SLC24A2: variants seen among roughly 807,000 people sequenced by gnomAD.
The protein encoded by SLC24A2 is solute carrier family 24 member 2.
In SLC24A2, 36 loss-of-function variants were observed where a neutral mutation model predicts 62.0. That is an observed-to-expected ratio of 0.58 (90% CI 0.44 to 0.77). SLC24A2 has a LOEUF of 0.77. Ranked by LOEUF, SLC24A2 falls within the 30% of genes least tolerant of loss-of-function variation. The probability of loss-of-function intolerance (pLI) is 0.00; values close to 1 mark genes in which losing one functional copy is unlikely to be tolerated. For synonymous variants in SLC24A2, 358 were observed against 294.0 expected (o/e 1.22, Z -2.23); for missense variants, 846 against 817.9 (o/e 1.03, Z -0.42).
the SLC24A2 span, among the ~76,000 whole-genome samples, chr9:20,303,498 T>A: frequency 2.0e-5 from 3 of 152,278 alleles, no homozygotes; most frequent in African/African-American, 7.2e-5. Context: ...AATGAAGTAA[T>A]CTAGTTCCCA....
intron 5 of SLC24A2, among the ~76,000 whole-genome samples, chr9:19,592,007 C>A (rs1364820299): frequency 2.0e-5 from 3 of 152,178 alleles, no homozygotes; most frequent in Admixed American, 2.0e-4. Flanking sequence ...CAATGAAAAA[C>A]ATTGCTGAAT....
intron 2 of SLC24A2, among the ~76,000 whole-genome samples, chr9:19,779,777 T>A (rs1433068952): frequency 1.3e-5 from 2 of 152,196 alleles, no homozygotes; most frequent in Non-Finnish European, 2.9e-5. Context: ...AACATCAAGG[T>A]AGGCGGGCGC....
intron 10 of SLC24A2, among the ~76,000 whole-genome samples, chr9:19,519,349 TTG>T (rs10640008): frequency 2.2e-3 from 323 of 147,596 alleles, no homozygotes; most frequent in South Asian, 6.8e-3. Flanking sequence ...TTAAACTTCC[TTG>T]TGTGTGTGTG....
At chr9:20,189,081 T>C in the SLC24A2 span, among the ~76,000 whole-genome samples, 4 of 104,792 alleles carry the variant, frequency 3.8e-5, no homozygotes, top group Non-Finnish European at 3.5e-5. Flanking sequence ...TTTTTCTTTT[T>C]TTTTTTTTTT....
chr9:20,138,638 T>C, the SLC24A2 span, among the ~76,000 whole-genome samples: 1 of 152,238 alleles, frequency 6.6e-6, no homozygotes, highest in Admixed American at 6.5e-5. Flanking sequence ...ATTCCTCCTC[T>C]ATCCCAGGAT....
the SLC24A2 span, among the ~76,000 whole-genome samples, chr9:20,232,808 G>T: frequency 1.3e-5 from 2 of 151,914 alleles, no homozygotes; most frequent in Non-Finnish European, 1.5e-5. Flanking sequence ...GTTCTTTTAA[G>T]TGTGATGTTA....
chr9:20,101,930 G>C, the SLC24A2 span, among the ~76,000 whole-genome samples: 1 of 152,090 alleles, frequency 6.6e-6, no homozygotes, highest in African/African-American at 2.4e-5. Context: ...GGACAAACAC[G>C]TCTGAGCTTA....
chr9:20,080,017 G>A, the SLC24A2 span, among the ~76,000 whole-genome samples: 2 of 152,140 alleles, frequency 1.3e-5, no homozygotes, highest in African/African-American at 4.8e-5. Flanking sequence ...CTCATGGGTA[G>A]GAAGAATCAA....
the SLC24A2 span, among the ~76,000 whole-genome samples, chr9:19,958,518 G>A: frequency 6.6e-6 from 1 of 152,186 alleles, no homozygotes; most frequent in Non-Finnish European, 1.5e-5. Context: ...ACTCCAGGCA[G>A]GTCTGAACCT....
At chr9:19,641,939 G>T (rs966775063) in intron 2 of SLC24A2, among the ~76,000 whole-genome samples, 3 of 151,804 alleles carry the variant, frequency 2.0e-5, no homozygotes, top group African/African-American at 7.3e-5. Context: ...GCCAAAATGT[G>T]CCTTCATTTT....
chr9:20,149,013 A>G, the SLC24A2 span, among the ~76,000 whole-genome samples: 1 of 152,086 alleles, frequency 6.6e-6, no homozygotes, highest in Non-Finnish European at 1.5e-5. Flanking sequence ...TGGAGAGCCA[A>G]TCTTTCCTTC....
chr9:19,608,136 T>C (rs1352010948), intron 4 of SLC24A2, among the ~76,000 whole-genome samples: 1 of 152,196 alleles, frequency 6.6e-6, no homozygotes, highest in Non-Finnish European at 1.5e-5. Context: ...CATTTGCCTA[T>C]TCATTTACCA....
the SLC24A2 span, among the ~76,000 whole-genome samples, chr9:19,824,334 AC>A: frequency 5.3e-5 from 8 of 152,322 alleles, no homozygotes; most frequent in South Asian, 1.0e-3. Context: ...CAAGAAAAAA[AC>A]AACCCCATCA....
rs1165991139 is a variant in SLC24A2, at chr9:19,706,566, G to C, written c.930+79371C>G. Among the ~76,000 whole-genome samples the C allele has an allele frequency of 4.6e-5, 7 of 152,074 alleles. No individual in the cohort carries two copies. In the East Asian group the frequency reaches 1.4e-3, roughly 29 times the overall value. ...GGCTAATTTTTGTATTTTTAGTAGA[G>C]ACGGGGTTTCACCGTGTTAGCCAGG... On this transcript the variant is annotated intron_variant, in intron 2 of 10. Coordinates refer to ENST00000341998, the MANE Select transcript of SLC24A2 (RefSeq NM_020344.4).
intron 2 of SLC24A2, among the ~76,000 whole-genome samples, chr9:19,784,394 A>G (rs1823099758): frequency 6.6e-6 from 1 of 152,228 alleles, no homozygotes; most frequent in Non-Finnish European, 1.5e-5. Flanking sequence ...TAAGTTAATG[A>G]AGTTCCACTA....
the SLC24A2 span, among the ~76,000 whole-genome samples, chr9:19,872,662 G>A: frequency 6.6e-6 from 1 of 152,108 alleles, no homozygotes. Context: ...TAGACATTTG[G>A]GCGGTAGGGC....
chr9:19,603,748 T>C (rs1338079634), intron 4 of SLC24A2, among the ~76,000 whole-genome samples: 1 of 152,212 alleles, frequency 6.6e-6, no homozygotes, highest in Non-Finnish European at 1.5e-5. Context: ...CTCATCATTA[T>C]CAAGGTAATC....
In SLC24A2 at chr9:19,788,964, C is replaced by T. The variant is rs1055747650; in HGVS notation, c.-233G>A. The T allele has an allele frequency of 1.8e-4, 175 of 984,994 alleles. No homozygotes were observed. The highest frequency in any genetic ancestry group is 2.1e-4 in the Non-Finnish European group (171 of 829,534). The allele number at this position is 984,994 out of a possible 1,614,324, so 61.0% of individuals were successfully genotyped here. A position where few individuals can be genotyped will look rare whatever the true frequency, so the allele number is the denominator to read the frequency against. On this transcript the variant is annotated 5_prime_UTR_variant, in exon 1 of 11. Transcript: ENST00000341998. ...CTCCAGTCCGCCGGCCCTCCGCCTA[C>T]CCGCTCTGAGGCCCGGGCTCTGGCT...
intron 2 of SLC24A2, among the ~76,000 whole-genome samples, chr9:19,700,437 G>C (rs1407412482): frequency 6.6e-6 from 1 of 152,066 alleles, no homozygotes; most frequent in Non-Finnish European, 1.5e-5. Flanking sequence ...TATTTACTTT[G>C]TTTTTTTGAT....
Sources: allele counts gnomAD v4.1 joint callset (sites outside exome capture counted in the v4.1 genomes callset), GRCh38; gene constraint gnomAD v4.1.1; transcripts MANE v1.5; gene names NCBI Gene and HGNC (gene_info 2026-07-23, HGNC 2026-07-21).